The following SGSM1 variants were observed in gnomAD, a reference collection of about 807,000 sequenced individuals.
SGSM1 encodes the protein small G protein signaling modulator 1.
A neutral mutation model predicts 133.8 loss-of-function variants in SGSM1; 73 were observed. That is an observed-to-expected ratio of 0.55 (90% CI 0.45 to 0.66). The LOEUF (loss-of-function observed/expected upper bound fraction) is 0.66. SGSM1 is among the 30% of genes least tolerant of loss of function. The probability of loss-of-function intolerance (pLI) is 0.00; values close to 1 mark genes in which losing one functional copy is unlikely to be tolerated. For missense variants in SGSM1, 1,213 were observed against 1,448.1 expected (o/e 0.84, Z 2.64); for synonymous variants, 563 against 573.0 (o/e 0.98, Z 0.25).
intron 2 of SGSM1, among the ~76,000 whole-genome samples, chr22:24,822,080 ATC>A (rs200350405): frequency 1.7e-5 from 2 of 120,786 alleles, no homozygotes; most frequent in Non-Finnish European, 1.6e-5. Context: ...CTACCTGTTC[ATC>A]TCTCTCTTTT....
rs182969640 is a variant in SGSM1 at position 24,818,020 on chromosome 22, T to C, written c.63+11536T>C. ...GCCGAGGCGGGTGGATCACCTGAGG[T>C]CAGGAGTTCGATACCAGCCTGGCCA... On this transcript the variant is annotated intron_variant, in intron 2 of 24. Transcript: ENST00000400358. Among the ~76,000 whole-genome samples the C allele has an allele frequency of 3.6e-3, 554 of 151,926 alleles. 2 individuals carry two copies. Among genetic ancestry groups the C allele is most frequent in the African/African-American group, 0.013 (533 of 41,452 alleles).
chr22:24,892,072 G>T (rs1932823952), intron 16 of SGSM1, among the ~76,000 whole-genome samples: 1 of 152,124 alleles, frequency 6.6e-6, no homozygotes, highest in Non-Finnish European at 1.5e-5. Flanking sequence ...GGGGCGGGGT[G>T]GTCAGGCTGC....
intron 16 of SGSM1, among the ~76,000 whole-genome samples, chr22:24,888,899 T>C (rs2123683375): frequency 6.6e-6 from 1 of 152,078 alleles, no homozygotes; most frequent in South Asian, 2.1e-4. Context: ...GTCTTGATTA[T>C]TGTAACACAT....
Position 24,924,345 on chromosome 22 carries a change from C to A in SGSM1, c.*71C>A. The A allele has an allele frequency of 2.2e-6, 3 of 1,392,428 alleles. No individual in the cohort carries two copies. The highest frequency in any genetic ancestry group is 3.0e-6 in the Non-Finnish European group (3 of 986,436). 86.3% of individuals were successfully genotyped at this position (1,392,428 alleles called of 1,614,324 possible). A position where few individuals can be genotyped will look rare whatever the true frequency, so the allele number is the denominator to read the frequency against. On this transcript the variant is annotated 3_prime_UTR_variant, in exon 25 of 25. Transcript: ENST00000400358. ...CTCCTCTGCTTACTTTTCCTCCTGG[C>A]TGGATGGGCACCCCGGGAGCGGGGT...
At chr22:24,859,571 T>C (rs1601930358) in intron 8 of SGSM1, 145 bp from the exon 9 acceptor site, 7 of 1,140,374 alleles carry the variant, frequency 6.1e-6, no homozygotes, top group Admixed American at 4.0e-5. Context: ...AAGGAGGCTT[T>C]AGAGTCTTCC....
At position 24,924,245 on chromosome 22, in the gene SGSM1, A is replaced by G. The variant is rs1186963443; in HGVS notation, c.3253A>G (p.Lys1085Glu). The change falls in exon 25 of 25, where the codon AAG becomes GAG. Residue 1085 changes from lysine (K) to glutamate (E), a missense_variant. Coordinates refer to ENST00000400358, the MANE Select transcript of SGSM1 (RefSeq NM_001098497.3). ...GAAGCTGGCGCGGGACCTCGTGTAC[A>G]AGGTGCAGACTCTGATTGAGAACAA... ...VLKLARDLVY[K>E]VQTLIENK 6.2e-7 allele frequency: 1 copy of G among 1,613,944 alleles called. No homozygotes were observed. The highest frequency in any genetic ancestry group is 1.1e-5 in the South Asian group (1 of 91,078).
chr22:24,855,213 C>T lies in SGSM1; in HGVS notation c.524-72C>T, dbSNP rs191345036. 30 of 1,557,272 alleles carry T rather than the reference C, an allele frequency of 1.9e-5. No homozygotes were observed. The African/African-American group carries it at 2.3e-4, about 12-fold the overall frequency. ...CTGGAGGGGAGGGTAGTGAGATGGG[C>T]GGCCATCTGCTGGTAGACATGCGGG... On this transcript the variant is annotated intron_variant, in intron 6 of 24. Transcript: ENST00000400358.
In SGSM1 at chr22:24,921,994, C is replaced by G. The variant is rs575248059; in HGVS notation, c.3193+2001C>G. Among the ~76,000 whole-genome samples the G allele has an allele frequency of 2.6e-5, 4 of 152,010 alleles. No individual in the cohort carries two copies. In the East Asian group the frequency reaches 5.8e-4, roughly 22 times the overall value. Reference sequence around the variant, plus strand: ...GGGATTACAGGTGTGAACCACCGTGCCTAGCCAATAATACATATATATCTA... The same window carrying G: ...GGGATTACAGGTGTGAACCACCGTGGCTAGCCAATAATACATATATATCTA... On this transcript the variant is annotated intron_variant, in intron 24 of 24. Coordinates refer to ENST00000400358, the MANE Select transcript of SGSM1 (RefSeq NM_001098497.3).
intron 9 of SGSM1, among the ~76,000 whole-genome samples, chr22:24,862,805 G>C (rs891505152): frequency 2.0e-5 from 3 of 152,180 alleles, no homozygotes; most frequent in Non-Finnish European, 4.4e-5. Flanking sequence ...TGGGTGACCT[G>C]GGGTATGTCA....
intron 4 of SGSM1, 61 bp from the exon 5 acceptor site, chr22:24,850,219 A>G (rs958516024): frequency 8.2e-5 from 123 of 1,493,962 alleles, no homozygotes; most frequent in Middle Eastern, 1.7e-4. Flanking sequence ...CCATTTGCCA[A>G]TTAGTCCTGT....
At chr22:24,832,216 TTGA>T (rs1478055812) in intron 2 of SGSM1, among the ~76,000 whole-genome samples, 1 of 152,226 alleles carries the variant, frequency 6.6e-6, no homozygotes. Flanking sequence ...CTCAGATTTG[TTGA>T]TGATCTTGGG....
At chr22:24,858,495 G>T (rs1458542808) in intron 8 of SGSM1, among the ~76,000 whole-genome samples, 3 of 152,000 alleles carry the variant, frequency 2.0e-5, no homozygotes, top group Non-Finnish European at 2.9e-5. Context: ...AATTAGCTAG[G>T]CATGGTGGCA....
Position 24,884,082 on chromosome 22 carries a change from G to C in SGSM1, c.1525G>C (p.Val509Leu). The C allele has an allele frequency of 6.2e-7, 1 of 1,613,148 alleles. No homozygotes were observed. Among genetic ancestry groups the C allele is most frequent in the Non-Finnish European group, 8.5e-7 (1 of 1,179,580 alleles). ...WLAYCRHLST[V>L]RTHLSALVNH... ...GGCCTACTGCAGACACCTGTCCACC[G>C]TGAGAACCCACCTATCAGCCCTGGT... Residue 509 changes from valine to leucine, a missense_variant, in exon 15 of 25, where the codon GTG (valine) becomes CTG (leucine). Coordinates refer to ENST00000400358, the MANE Select transcript of SGSM1 (RefSeq NM_001098497.3).
intron 2 of SGSM1, among the ~76,000 whole-genome samples, chr22:24,841,522 T>G (rs1402470235): frequency 6.6e-6 from 1 of 152,224 alleles, no homozygotes; most frequent in Non-Finnish European, 1.5e-5. Flanking sequence ...ATTGATATTC[T>G]GTCTGGTTGT....
intron 14 of SGSM1, among the ~76,000 whole-genome samples, chr22:24,880,793 T>G (rs904770128): frequency 6.6e-6 from 1 of 152,244 alleles, no homozygotes; most frequent in Admixed American, 6.5e-5. Context: ...TAATGGTGAC[T>G]GAGAACCTGA....
intron 2 of SGSM1, among the ~76,000 whole-genome samples, chr22:24,811,921 C>T (rs929390050): frequency 6.7e-6 from 1 of 149,896 alleles, no homozygotes; most frequent in Admixed American, 6.7e-5. Context: ...CCTGTAACAG[C>T]ACTTTGGGAG....
chr22:24,869,562 C>T (rs572819262), intron 12 of SGSM1, among the ~76,000 whole-genome samples: 6 of 152,304 alleles, frequency 3.9e-5, no homozygotes, highest in African/African-American at 1.2e-4. Context: ...TGAGATAAAG[C>T]ATTTCACACA....
intron 24 of SGSM1, 104 bp from the exon 25 acceptor site, chr22:24,924,082 A>G (rs1053516466): frequency 2.6e-5 from 25 of 977,802 alleles, no homozygotes; most frequent in Middle Eastern, 4.2e-4. Flanking sequence ...TCCTGAGTCA[A>G]TCTGTGATGG....
chr22:24,817,766 T>C (rs1365358730), intron 2 of SGSM1, among the ~76,000 whole-genome samples: 3 of 152,194 alleles, frequency 2.0e-5, no homozygotes, highest in Non-Finnish European at 4.4e-5. Context: ...GTACCGTGAC[T>C]GGGTAGCTTC....
Sources: gnomAD v4.1 joint callset for allele counts (sites outside exome capture counted in the v4.1 genomes callset) on GRCh38, gnomAD v4.1.1 for gene constraint, MANE v1.5 for transcripts, NCBI Gene and HGNC (gene_info 2026-07-23, HGNC 2026-07-21) for gene names.